Variants in GMEB1 observed in about 807,000 individuals in gnomAD.
The protein encoded by GMEB1 is glucocorticoid modulatory element-binding protein 1.
Under a neutral mutation model 52.4 loss-of-function variants are expected in GMEB1, and 6 were observed. The observed-to-expected ratio is 0.11, with a 90% confidence interval of 0.06 to 0.23. The LOEUF (loss-of-function observed/expected upper bound fraction) is 0.23. GMEB1 is among the 10% of genes least tolerant of loss of function. The probability of loss-of-function intolerance (pLI) is 1.00; values close to 1 mark genes in which losing one functional copy is unlikely to be tolerated. For synonymous variants in GMEB1, 255 were observed against 244.9 expected (o/e 1.04, Z -0.38); for missense variants, 486 against 685.6 (o/e 0.71, Z 3.25).
At chr1:28,689,580 G>T (rs895093843) in intron 2 of GMEB1, 4 of 152,360 alleles carry the variant, frequency 2.6e-5, no homozygotes, top group African/African-American at 9.7e-5. Context: ...AGTGAGCCGA[G>T]ATCGCACCAC....
intron 5 of GMEB1, among the ~76,000 whole-genome samples, chr1:28,696,376 C>T (rs1474975494): frequency 6.6e-6 from 1 of 152,026 alleles, no homozygotes; most frequent in Non-Finnish European, 1.5e-5. Context: ...TGAGGAATAC[C>T]TTTAACTTTG....
At chr1:28,708,729 T>G (rs1220301921) in intron 8 of GMEB1, among the ~76,000 whole-genome samples, 1 of 151,672 alleles carries the variant, frequency 6.6e-6, no homozygotes, top group Non-Finnish European at 1.5e-5. Flanking sequence ...GGATTACAGA[T>G]GGGAGCCACC....
At chr1:28,704,637 G>A (rs1279867529) in intron 8 of GMEB1, among the ~76,000 whole-genome samples, 1 of 150,594 alleles carries the variant, frequency 6.6e-6, no homozygotes, top group African/African-American at 2.4e-5. Context: ...ACGGAGTCTC[G>A]CTCTATCGCC....
chr1:28,714,118 A>G lies in GMEB1; in HGVS notation c.1037A>G (p.His346Arg). 1 of 1,613,700 alleles carries G rather than the reference A, an allele frequency of 6.2e-7. No homozygotes were observed. Among genetic ancestry groups the G allele is most frequent in the Non-Finnish European group, 8.5e-7 (1 of 1,179,602 alleles). Reference protein sequence around the residue: ...LEEQKKQGQDHRLKSQTVQNV... With the variant: ...LEEQKKQGQDRRLKSQTVQNV... ...GAGCAGAAGAAGCAAGGCCAGGATC[A>G]CAGGCTGAAATCTCAGACAGTTCAA... Residue 346 changes from histidine to arginine, a missense_variant, in exon 10 of 10, where the codon CAC becomes CGC. By Grantham distance (29) the His-to-Arg change is conservative (BLOSUM62 0). Transcript: ENST00000373816.
intron 9 of GMEB1, among the ~76,000 whole-genome samples, chr1:28,712,935 G>A (rs1031375195): frequency 1.3e-5 from 2 of 151,890 alleles, no homozygotes; most frequent in Non-Finnish European, 1.5e-5. Context: ...GGCAGATCAC[G>A]AGGTCAGGAG....
chr1:28,701,268 C>CTTTTTTTTTTTT lies in GMEB1; in HGVS notation c.599-1164_599-1153dup, dbSNP rs67909525. On this transcript the variant is annotated intron_variant, in intron 6 of 9. Coordinates refer to ENST00000373816, the MANE Select transcript of GMEB1 (RefSeq NM_001319674.2). ...TTGATTCTCTTTGTTTAAAAGCTGTCTTTTTTTTTTTTTTTTTGAGATGAT... is the reference window on the plus strand; with the variant it reads ...TTGATTCTCTTTGTTTAAAAGCTGTCTTTTTTTTTTTTTTTTTTTTTTTTTTTTTGAGATGAT... Among the ~76,000 whole-genome samples, 14 of 109,834 alleles carry CTTTTTTTTTTTT rather than the reference C, an allele frequency of 1.3e-4. 1 individual carries two copies. The highest frequency in any genetic ancestry group is 6.6e-4 in the East Asian group (2 of 3,008). The allele number at this position is 109,834 out of a possible 152,430, so 72.1% of individuals were successfully genotyped here. A position where few individuals can be genotyped will look rare whatever the true frequency, so the allele number is the denominator to read the frequency against.
chr1:28,698,919 G>A (rs1181397046), intron 6 of GMEB1, among the ~76,000 whole-genome samples: 4 of 152,096 alleles, frequency 2.6e-5, no homozygotes, highest in Admixed American at 6.6e-5. Context: ...AGGAGGTGGA[G>A]TTTGCAGTGA....
intron 5 of GMEB1, among the ~76,000 whole-genome samples, chr1:28,693,914 A>T (rs1369262891): frequency 6.6e-6 from 1 of 152,116 alleles, no homozygotes; most frequent in Non-Finnish European, 1.5e-5. Flanking sequence ...TTATTTATTA[A>T]TGTAAAAATT....
intron 2 of GMEB1, among the ~76,000 whole-genome samples, chr1:28,687,389 A>AC (rs1557504478): frequency 7.3e-6 from 1 of 137,334 alleles, no homozygotes; most frequent in African/African-American, 2.8e-5. Context: ...CACACACACA[A>AC]AAAAAGACAG....
chr1:28,687,376 A>ACACACACAACAGAATGAGACCCTATCT (rs1669709890), intron 2 of GMEB1, among the ~76,000 whole-genome samples: 1 of 124,602 alleles, frequency 8.0e-6, no homozygotes, highest in Admixed American at 8.3e-5. Context: ...ACACACACAC[A>ACACACACAACAGAATGAGACCCTATCT]CACACACACA....
At chr1:28,711,785 A>G (rs1268585680) in intron 9 of GMEB1, among the ~76,000 whole-genome samples, 1 of 152,148 alleles carries the variant, frequency 6.6e-6, no homozygotes. Context: ...GCTACTCAGT[A>G]CTCAGTATAG....
intron 6 of GMEB1, among the ~76,000 whole-genome samples, chr1:28,699,152 G>T (rs1036671243): frequency 2.0e-5 from 3 of 152,074 alleles, no homozygotes; most frequent in African/African-American, 7.2e-5. Context: ...CTGCTTGGAG[G>T]GGCTCCTGAT....
chr1:28,671,521 CT>C (rs1429000300), intron 1 of GMEB1, among the ~76,000 whole-genome samples: 1 of 152,110 alleles, frequency 6.6e-6, no homozygotes, highest in Non-Finnish European at 1.5e-5. Context: ...TCCTCGGCCT[CT>C]CTTTAGCTCG....
At chr1:28,690,404 A>T (rs537486811) in intron 3 of GMEB1, among the ~76,000 whole-genome samples, 1 of 151,972 alleles carries the variant, frequency 6.6e-6, no homozygotes, top group Non-Finnish European at 1.5e-5. Flanking sequence ...GTTAATGTCA[A>T]TTTGGAAGGG....
Position 28,687,389 on chromosome 1 carries a change from A to C in GMEB1, c.129-2715A>C, listed in dbSNP as rs868497504. 1.3e-4 allele frequency among the ~76,000 whole-genome samples: 18 copies of C among 137,438 alleles called. 1 individual carries two copies. Among genetic ancestry groups the C allele is most frequent in the African/African-American group, 4.1e-4 (15 of 36,252 alleles). The allele number at this position is 137,438 out of a possible 152,430, so 90.2% of individuals were successfully genotyped here. Reference sequence around the variant, plus strand: ...ACACACACACACACACACACACACAAAAAAAGACAGTGGAGAATAATGTTC... The same window carrying C: ...ACACACACACACACACACACACACACAAAAAGACAGTGGAGAATAATGTTC... On this transcript the variant is annotated intron_variant, in intron 2 of 9. Coordinates refer to ENST00000373816, the MANE Select transcript of GMEB1 (RefSeq NM_001319674.2).
chr1:28,695,185 T>G (rs1570412505), intron 5 of GMEB1, among the ~76,000 whole-genome samples: 1 of 151,658 alleles, frequency 6.6e-6, no homozygotes, highest in East Asian at 1.9e-4. Context: ...CAGGCTGGTA[T>G]TGAACTCCTG....
At chr1:28,693,746 C>T (rs898193737) in intron 5 of GMEB1, among the ~76,000 whole-genome samples, 4 of 151,570 alleles carry the variant, frequency 2.6e-5, no homozygotes, top group East Asian at 3.9e-4. Context: ...CCACTGTGCC[C>T]GGCCATTTAA....
Position 28,701,333 on chromosome 1 carries a change from G to A in GMEB1, c.599-1105G>A, listed in dbSNP as rs184405583. On this transcript the variant is annotated intron_variant, in intron 6 of 9. Coordinates refer to ENST00000373816, the MANE Select transcript of GMEB1 (RefSeq NM_001319674.2). ...CAGGCTGGATGGAGTCCAGTGGCGC[G>A]ATCTCGGCTCACTGCAAGCTCCGCC... 1.1e-4 allele frequency among the ~76,000 whole-genome samples: 15 copies of A among 137,122 alleles called. No individual in the cohort carries two copies. In the East Asian group the frequency reaches 2.3e-3, roughly 21 times the overall value. The allele number at this position is 137,122 out of a possible 152,430, so 90.0% of individuals were successfully genotyped here.
chr1:28,708,210 G>T (rs1670871055), intron 8 of GMEB1, among the ~76,000 whole-genome samples: 1 of 151,374 alleles, frequency 6.6e-6, no homozygotes, highest in Non-Finnish European at 1.5e-5. Flanking sequence ...TATCACCCAG[G>T]CTGGAGTGCA....
Sources: allele counts gnomAD v4.1 joint callset (sites outside exome capture counted in the v4.1 genomes callset), GRCh38; gene constraint gnomAD v4.1.1; transcripts MANE v1.5; gene names NCBI Gene and HGNC (gene_info 2026-07-23, HGNC 2026-07-21).